Variants in KCNK2 observed in about 807,000 individuals in gnomAD.
KCNK2 encodes the protein potassium two pore domain channel subfamily K member 2.
Under a neutral mutation model 40.5 loss-of-function variants are expected in KCNK2, and 21 were observed. The ratio of observed to expected loss-of-function variants is 0.52; its 90% CI spans 0.37 to 0.75. The LOEUF is 0.75. Ranked by LOEUF, KCNK2 falls within the 30% of genes least tolerant of loss-of-function variation. The pLI is 0.00. For synonymous variants in KCNK2, 191 were observed against 202.2 expected, an observed-to-expected ratio of 0.94 and a Z score of 0.47; for missense variants, 399 against 531.6, an observed-to-expected ratio of 0.75 and a Z score of 2.45.
intron 2 of KCNK2, among the ~76,000 whole-genome samples, chr1:215,094,528 A>T (rs945785301): frequency 2.6e-5 from 4 of 152,118 alleles, no homozygotes; most frequent in African/African-American, 9.7e-5. Flanking sequence ...CAATTTTCCT[A>T]GGACTCCCCC....
Position 215,082,892 on chromosome 1 carries a change from C to T in KCNK2, c.-494C>T, listed in dbSNP as rs1381483460. ...CAAAGACATGCGAAGAGGGGCTGAA[C>T]GAGGCTCGCGCACAAAGACGCCGGG... On this transcript the variant is annotated 5_prime_UTR_variant, in exon 1 of 7. The change creates a new upstream start codon in the 5' untranslated region. Coordinates refer to ENST00000444842, the MANE Select transcript of KCNK2 (RefSeq NM_001017425.3). Among the ~76,000 whole-genome samples, 1 of 151,638 alleles carries T rather than the reference C, an allele frequency of 6.6e-6. No homozygotes were observed. Among genetic ancestry groups the T allele is most frequent in the Non-Finnish European group, 1.5e-5 (1 of 67,908 alleles).
At chr1:215,024,972 G>A (rs1260321292) in intron 1 of KCNK2, among the ~76,000 whole-genome samples, 1 of 131,260 alleles carries the variant, frequency 7.6e-6, no homozygotes, top group Admixed American at 8.1e-5. Context: ...TTTTAACTGA[G>A]ATAAAACAGT....
chr1:215,186,021 C>T (rs1269431677), intron 5 of KCNK2, among the ~76,000 whole-genome samples: 1 of 152,176 alleles, frequency 6.6e-6, no homozygotes, highest in Non-Finnish European at 1.5e-5. Flanking sequence ...TTATTAGAAG[C>T]ATCTTAAGAA....
intron 2 of KCNK2, among the ~76,000 whole-genome samples, chr1:215,088,521 T>A (rs1032887763): frequency 1.4e-4 from 22 of 151,758 alleles, no homozygotes; most frequent in African/African-American, 5.1e-4. Flanking sequence ...AGCCTCTGAT[T>A]CATGTAGTTG....
chr1:215,030,373 T>C (rs992991760), intron 1 of KCNK2, among the ~76,000 whole-genome samples: 1 of 152,112 alleles, frequency 6.6e-6, no homozygotes, highest in African/African-American at 2.4e-5. Flanking sequence ...TTCTTGATAG[T>C]CTCTTTTGCC....
chr1:215,107,537 C>A (rs1247944306), intron 2 of KCNK2, among the ~76,000 whole-genome samples: 1 of 152,022 alleles, frequency 6.6e-6, no homozygotes, highest in Non-Finnish European at 1.5e-5. Flanking sequence ...TTGATGATGC[C>A]ATCCTAAGGG....
intron 1 of KCNK2, among the ~76,000 whole-genome samples, chr1:215,024,749 G>GGA (rs376685068): frequency 3.4e-4 from 51 of 151,968 alleles, no homozygotes; most frequent in African/African-American, 1.2e-3. Context: ...ACACTGTGTA[G>GGA]GAGACTATCT....
chr1:215,076,514 C>A (rs911887147), intron 1 of KCNK2, among the ~76,000 whole-genome samples: 1 of 152,132 alleles, frequency 6.6e-6, no homozygotes, highest in African/African-American at 2.4e-5. Context: ...AGGAGCTCCA[C>A]CTGCAGGCTT....
Position 215,197,609 on chromosome 1 carries a change from C to T in KCNK2, c.963+2517C>T, listed in dbSNP as rs375111924. On this transcript the variant is annotated intron_variant, in intron 6 of 6. Coordinates refer to ENST00000444842, the MANE Select transcript of KCNK2 (RefSeq NM_001017425.3). ...GTCTCCAAATGCAGTCACACTGGGG[C>T]TTAGGGCTTCAACATATGACTTTTG... 4.3e-4 allele frequency among the ~76,000 whole-genome samples: 65 copies of T among 152,280 alleles called. No individual in the cohort carries two copies. The South Asian group carries it at 0.013, about 32-fold the overall frequency.
At chr1:215,096,009 A>G (rs1466786418) in intron 2 of KCNK2, among the ~76,000 whole-genome samples, 1 of 152,112 alleles carries the variant, frequency 6.6e-6, no homozygotes, top group Non-Finnish European at 1.5e-5. Flanking sequence ...GCAAGGGGAA[A>G]TAGTTGCAAA....
At chr1:215,113,337 A>G (rs12410041) in intron 2 of KCNK2, among the ~76,000 whole-genome samples, 27,603 of 152,086 alleles carry the variant, frequency 0.18, 3,313 homozygotes, top group South Asian at 0.45. Context: ...TGAACTATTA[A>G]TATAACCCCA....
At position 215,083,161 on chromosome 1, in the gene KCNK2, C is replaced by A; in HGVS notation, c.-225C>A. On this transcript the variant is annotated 5_prime_UTR_variant, in exon 1 of 7. Coordinates refer to ENST00000444842, the MANE Select transcript of KCNK2 (RefSeq NM_001017425.3). ...GCCCTCTGCCCAGCCCGCCGGTGTCCCCTCCTTCCCGCGATTTCGTTTCTT... is the reference window on the plus strand; with the variant it reads ...GCCCTCTGCCCAGCCCGCCGGTGTCACCTCCTTCCCGCGATTTCGTTTCTT... 1 of 969,340 alleles carries A rather than the reference C, an allele frequency of 1.0e-6. No individual in the cohort carries two copies. The highest frequency in any genetic ancestry group is 1.6e-6 in the Non-Finnish European group (1 of 638,126). 60.0% of individuals were successfully genotyped at this position (969,340 alleles called of 1,614,324 possible).
intron 3 of KCNK2, among the ~76,000 whole-genome samples, chr1:215,129,954 C>G (rs1011196838): frequency 1.3e-5 from 2 of 152,110 alleles, no homozygotes; most frequent in African/African-American, 4.8e-5. Flanking sequence ...CTCCTAGAAA[C>G]CTTGGGATTT....
chr1:215,146,171 A>G (rs1385510909), intron 3 of KCNK2, among the ~76,000 whole-genome samples: 1 of 152,180 alleles, frequency 6.6e-6, no homozygotes, highest in African/African-American at 2.4e-5. Flanking sequence ...TGCATTTCAA[A>G]TGTATTCAGG....
chr1:215,178,371 A>C (rs7551415), intron 5 of KCNK2, among the ~76,000 whole-genome samples: 115,508 of 152,070 alleles, frequency 0.76, 44,233 homozygotes, highest in African/African-American at 0.78. Context: ...CCTGATTGCT[A>C]TGGCATGGAC....
At chr1:215,042,232 G>A (rs1180523418) in intron 1 of KCNK2, among the ~76,000 whole-genome samples, 1 of 152,134 alleles carries the variant, frequency 6.6e-6, no homozygotes, top group Non-Finnish European at 1.5e-5. Flanking sequence ...AAGATCAAGG[G>A]CACATGTACT....
intron 5 of KCNK2, among the ~76,000 whole-genome samples, chr1:215,174,904 C>T (rs1439548457): frequency 6.6e-6 from 1 of 152,102 alleles, no homozygotes; most frequent in Non-Finnish European, 1.5e-5. Context: ...ACAATCATGT[C>T]ATCTGCAAAC....
rs568518377 is a variant in KCNK2, at chr1:215,070,193, A to G, written c.35-16175A>G. ...TGGGAGGCCGAGGTGGGCGGATCAC[A>G]AGGTCAGCAGATCGTAGGCATCCTG... On this transcript the variant is annotated intron_variant, in intron 1 of 6. Transcript: ENST00000391895. Among the ~76,000 whole-genome samples, 5 of 151,878 alleles carry G rather than the reference A, an allele frequency of 3.3e-5. No homozygotes were observed. In the East Asian group the frequency reaches 9.8e-4, roughly 30 times the overall value.
At chr1:215,211,945 T>C (rs994391687) in intron 6 of KCNK2, among the ~76,000 whole-genome samples, 2 of 152,160 alleles carry the variant, frequency 1.3e-5, no homozygotes, top group Non-Finnish European at 2.9e-5. Flanking sequence ...TATTATTGCT[T>C]ACAGATATAA....
Sources: gnomAD v4.1 joint callset for allele counts (sites outside exome capture counted in the v4.1 genomes callset) on GRCh38, gnomAD v4.1.1 for gene constraint, MANE v1.5 for transcripts, NCBI Gene and HGNC (gene_info 2026-07-23, HGNC 2026-07-21) for gene names.